Variants in NUDT19 observed in about 807,000 individuals in gnomAD.
The protein encoded by NUDT19 is acyl-coenzyme A diphosphatase NUDT19.
In NUDT19, 31 loss-of-function variants were observed where a neutral mutation model predicts 22.2. The observed-to-expected ratio is 1.40, with a 90% CI of 1.05 to 1.89. The LOEUF is 1.89. NUDT19 is among the 40% of genes most tolerant of loss of function. NUDT19 has a pLI of 0.00. For missense variants in NUDT19, 752 were observed against 514.2 expected (o/e 1.46, Z -4.47); for synonymous variants, 325 against 230.8 (o/e 1.41, Z -3.70).
Position 32,692,512 on chromosome 19 carries a change from C to A in NUDT19, c.552C>A (p.His184Gln), listed in dbSNP as rs1466918634. The A allele has an allele frequency of 6.4e-7, 1 of 1,570,026 alleles. No homozygotes were observed. Among genetic ancestry groups the A allele is most frequent in the Non-Finnish European group, 8.6e-7 (1 of 1,161,458 alleles). Residue 184 changes from histidine (H) to glutamine (Q), a missense_variant, in exon 1 of 3, where the codon CAC becomes CAA. His to Gln is a conservative substitution (Grantham distance 24). Coordinates refer to ENST00000397061, the MANE Select transcript of NUDT19 (RefSeq NM_001105570.2). ...DPRHFLRLCA[H>Q]LDCTPDIWAL... ...GCCACTTCCTGCGGCTGTGCGCCCA[C>A]CTCGACTGCACACCCGACATCTGGG... is the stretch of plus-strand genomic sequence containing the variant.
intron 1 of NUDT19, among the ~76,000 whole-genome samples, chr19:32,694,541 C>G (rs1968241534): frequency 6.6e-6 from 1 of 152,120 alleles, no homozygotes; most frequent in Non-Finnish European, 1.5e-5. Context: ...GTAGCAGTGG[C>G]CATTTCTAGC....
In NUDT19 at chr19:32,692,174, CGCTCGGCG is replaced by C. The variant is rs1568430506; in HGVS notation, c.216_223del (p.Ser73LeufsTer34). The C allele has an allele frequency of 6.5e-7, 1 of 1,542,124 alleles. No homozygotes were observed. The highest frequency in any genetic ancestry group is 2.5e-5 in the East Asian group (1 of 40,070). On this transcript the variant is annotated frameshift_variant, in exon 1 of 3. Transcript: ENST00000397061. LOFTEE classifies it high-confidence loss of function. ...CGGCGGAGTGCTGGATGCGGCCGAC[CGCTCGGCG>C]GACTGGCTGGGCCTCTTCGCGCCGC...
chr19:32,699,688 T>G (rs543109945), intron 1 of NUDT19, among the ~76,000 whole-genome samples: 28 of 152,308 alleles, frequency 1.8e-4, no homozygotes, highest in African/African-American at 6.7e-4. Flanking sequence ...CACTCACCGC[T>G]TAGTGATAGG....
At position 32,692,213 on chromosome 19, in the gene NUDT19, G is replaced by A. The variant is rs538951233; in HGVS notation, c.253G>A (p.Gly85Arg). Residue 85 changes from glycine (G) to arginine (R), a missense_variant, in exon 1 of 3, where the codon GGG becomes AGG. By Grantham distance (125) the Gly-to-Arg change is moderately radical (BLOSUM62 -2). Transcript: ENST00000397061. The part of the protein sequence containing the change: ...DWLGLFAPHH[G>R]PPRFGLGPAP... ...GCTGGGCCTCTTCGCGCCGCACCAC[G>A]GGCCGCCGCGCTTCGGCCTGGGCCC... 80 of 1,581,446 alleles carry A rather than the reference G, an allele frequency of 5.1e-5. No individual in the cohort carries two copies. In the South Asian group the frequency reaches 6.4e-4, roughly 13 times the overall value.
chr19:32,704,812 G>A (rs1968370700), intron 1 of NUDT19, among the ~76,000 whole-genome samples: 1 of 151,862 alleles, frequency 6.6e-6, no homozygotes, highest in African/African-American at 2.4e-5. Context: ...TCCTTAAAGA[G>A]TATTGGACTT....
rs1167388374 is a variant in NUDT19 at position 32,712,503 on chromosome 19, A to G, written c.*546A>G. The G allele has an allele frequency of 7.3e-6, 1 of 137,642 alleles. No homozygotes were observed. The highest frequency in any genetic ancestry group is 1.5e-5 in the Non-Finnish European group (1 of 65,082). 8.5% of individuals were successfully genotyped at this position (137,642 alleles called of 1,614,324 possible). On this transcript the variant is annotated 3_prime_UTR_variant, in exon 3 of 3. Transcript: ENST00000397061. ...CACCTCCCAGGTTCCAGCGATTCTC[A>G]TGCCTCAGCCTCCTGAGTAGCTGGG...
At chr19:32,700,310 G>A (rs932804973) in intron 1 of NUDT19, among the ~76,000 whole-genome samples, 2 of 152,212 alleles carry the variant, frequency 1.3e-5, no homozygotes, top group Admixed American at 6.5e-5. Context: ...GCTAATTGGT[G>A]TATTTACAAA....
chr19:32,703,998 G>A (rs1298006880), intron 1 of NUDT19, among the ~76,000 whole-genome samples: 1 of 151,810 alleles, frequency 6.6e-6, no homozygotes, highest in African/African-American at 2.4e-5. Flanking sequence ...TTATTCCTTT[G>A]TGTAGCTCTA....
chr19:32,711,866 A>G lies in NUDT19; in HGVS notation c.1037A>G (p.His346Arg), dbSNP rs2145369907. 6.2e-7 allele frequency: 1 copy of G among 1,613,674 alleles called. No homozygotes were observed. The highest frequency in any genetic ancestry group is 1.7e-4 in the Middle Eastern group (1 of 6,060). ...CAGTTTCACCGGATAGTGACATACC[A>G]TCGCCACCTTTATGATATCCACGTG... Reference protein sequence around the residue: ...GKQFHRIVTYHRHLYDIHVTV... With the variant: ...GKQFHRIVTYRRHLYDIHVTV... The change falls in exon 3 of 3, where the codon CAT becomes CGT. Residue 346 changes from histidine to arginine, a missense_variant. His to Arg is a conservative substitution (Grantham distance 29, BLOSUM62 0). Transcript: ENST00000397061.
intron 1 of NUDT19, among the ~76,000 whole-genome samples, chr19:32,700,118 C>T (rs897750482): frequency 2.0e-5 from 3 of 152,246 alleles, no homozygotes; most frequent in African/African-American, 7.2e-5. Context: ...AGAGCTTCCA[C>T]AGCATGGAAA....
Position 32,692,491 on chromosome 19 carries a change from C to A in NUDT19, c.531C>A (p.His177Gln). The A allele has an allele frequency of 6.4e-7, 1 of 1,555,700 alleles. No homozygotes were observed. Among genetic ancestry groups the A allele is most frequent in the Non-Finnish European group, 8.7e-7 (1 of 1,153,940 alleles). Reference sequence around the variant, plus strand: ...ACCGCGTGCGCCAGGACCCGCGCCACTTCCTGCGGCTGTGCGCCCACCTCG... The same window carrying A: ...ACCGCGTGCGCCAGGACCCGCGCCAATTCCTGCGGCTGTGCGCCCACCTCG... ...WRDRVRQDPR[H>Q]FLRLCAHLDC... Residue 177 changes from histidine to glutamine, a missense_variant, in exon 1 of 3, where the codon CAC becomes CAA. His to Gln is a conservative substitution (Grantham distance 24). Transcript: ENST00000397061.
intron 1 of NUDT19, among the ~76,000 whole-genome samples, chr19:32,693,365 T>C (rs1968225391): frequency 6.6e-6 from 1 of 152,176 alleles, no homozygotes; most frequent in Non-Finnish European, 1.5e-5. Context: ...TTCCTCTTGG[T>C]GGGTTTGTGG....
intron 1 of NUDT19, among the ~76,000 whole-genome samples, chr19:32,701,434 G>T (rs1568433415): frequency 2.0e-5 from 3 of 152,152 alleles, no homozygotes; most frequent in South Asian, 4.2e-4. Context: ...CTGACCTCAG[G>T]TGATCCACCT....
intron 1 of NUDT19, among the ~76,000 whole-genome samples, chr19:32,693,491 A>G (rs1968227806): frequency 6.6e-6 from 1 of 152,190 alleles, no homozygotes; most frequent in African/African-American, 2.4e-5. Context: ...GAGCAAAAGA[A>G]CAAACCTCCC....
intron 1 of NUDT19, among the ~76,000 whole-genome samples, chr19:32,695,245 T>C (rs1199742548): frequency 6.6e-6 from 1 of 152,184 alleles, no homozygotes; most frequent in South Asian, 2.1e-4. Context: ...AGTGGCATGA[T>C]CTAGGCTCAC....
At chr19:32,707,908 G>T (rs560284507) in intron 1 of NUDT19, among the ~76,000 whole-genome samples, 3 of 151,516 alleles carry the variant, frequency 2.0e-5, no homozygotes, top group Admixed American at 2.0e-4. Context: ...AACCCAGGAG[G>T]CAGAGCTTGC....
chr19:32,702,458 T>A (rs1968345780), intron 1 of NUDT19, among the ~76,000 whole-genome samples: 1 of 152,122 alleles, frequency 6.6e-6, no homozygotes, highest in African/African-American at 2.4e-5. Flanking sequence ...GGTTTCTGGC[T>A]ATTATAACTA....
At position 32,691,939 on chromosome 19, in the gene NUDT19, C is replaced by T; in HGVS notation, c.-22C>T. 8.3e-7 allele frequency: 1 copy of T among 1,208,270 alleles called. No individual in the cohort carries two copies. The highest frequency in any genetic ancestry group is 1.0e-6 in the Non-Finnish European group (1 of 970,636). The allele number at this position is 1,208,270 out of a possible 1,614,324, so 74.8% of individuals were successfully genotyped here. Reference sequence around the variant, plus strand: ...CGTGGAGCTCAGGCCGCGCCAGAATCGGATCCGGGAAGCTGCGCGCCATGA... The same window carrying T: ...CGTGGAGCTCAGGCCGCGCCAGAATTGGATCCGGGAAGCTGCGCGCCATGA... On this transcript the variant is annotated 5_prime_UTR_variant, in exon 1 of 3. Coordinates refer to ENST00000397061, the MANE Select transcript of NUDT19 (RefSeq NM_001105570.2).
At chr19:32,696,579 A>C (rs1027071380) in intron 1 of NUDT19, among the ~76,000 whole-genome samples, 1 of 152,220 alleles carries the variant, frequency 6.6e-6, no homozygotes, top group African/African-American at 2.4e-5. Context: ...GGGACAACAA[A>C]TGGGTAACTT....
Sources: allele counts gnomAD v4.1 joint callset (sites outside exome capture counted in the v4.1 genomes callset), GRCh38; gene constraint gnomAD v4.1.1; transcripts MANE v1.5; gene names NCBI Gene and HGNC (gene_info 2026-07-23, HGNC 2026-07-21).